The following NEGR1 variants were observed in gnomAD, a reference collection of about 807,000 sequenced individuals.
The protein encoded by NEGR1 is neuronal growth regulator 1.
A neutral mutation model predicts 40.9 loss-of-function variants in NEGR1; 10 were observed. That is an observed-to-expected ratio of 0.24 (90% CI 0.15 to 0.42). The LOEUF (loss-of-function observed/expected upper bound fraction) is 0.42. Ranked by LOEUF, NEGR1 falls within the 10% of genes least tolerant of loss-of-function variation. The pLI is 1.00. For missense variants in NEGR1, 352 were observed against 438.9 expected (o/e 0.80, Z 1.77); for synonymous variants, 185 against 166.8 (o/e 1.11, Z -0.84).
intron 3 of NEGR1, among the ~76,000 whole-genome samples, chr1:71,768,970 C>T (rs922960874): frequency 3.3e-5 from 5 of 152,124 alleles, no homozygotes; most frequent in African/African-American, 1.2e-4. Context: ...TCACTTTCCA[C>T]CATGACTATA....
chr1:71,445,547 T>TA (rs1288775620), intron 6 of NEGR1, among the ~76,000 whole-genome samples: 1 of 152,106 alleles, frequency 6.6e-6, no homozygotes, highest in Non-Finnish European at 1.5e-5. Context: ...GTGACCTGCT[T>TA]AGAGTCTGAC....
At chr1:71,616,085 A>G (rs1293639015) in intron 4 of NEGR1, among the ~76,000 whole-genome samples, 1 of 152,196 alleles carries the variant, frequency 6.6e-6, no homozygotes, top group East Asian at 1.9e-4. Context: ...GACATGTCTG[A>G]TAATGCCCAG....
chr1:71,538,382 AGAGGT>A (rs1046974883), intron 6 of NEGR1, among the ~76,000 whole-genome samples: 82 of 151,824 alleles, frequency 5.4e-4, no homozygotes, highest in African/African-American at 2.0e-3. Flanking sequence ...ATTATACAGT[AGAGGT>A]GTGTGTGAGT....
At chr1:71,780,101 T>G (rs1359144305) in intron 2 of NEGR1, among the ~76,000 whole-genome samples, 1 of 134,696 alleles carries the variant, frequency 7.4e-6, no homozygotes, top group Non-Finnish European at 1.6e-5. Flanking sequence ...TTAAAAATAA[T>G]GTACTATTCT....
intron 6 of NEGR1, among the ~76,000 whole-genome samples, chr1:71,581,732 T>A (rs1649141335): frequency 6.6e-6 from 1 of 150,728 alleles, no homozygotes; most frequent in Non-Finnish European, 1.5e-5. Flanking sequence ...AGACCGGGTC[T>A]CACTCTGCCG....
At chr1:72,151,972 C>T (rs1651143264) in intron 1 of NEGR1, among the ~76,000 whole-genome samples, 1 of 151,668 alleles carries the variant, frequency 6.6e-6, no homozygotes, top group South Asian at 2.1e-4. Context: ...AATATGGATG[C>T]TCTATTAAAA....
intron 6 of NEGR1, among the ~76,000 whole-genome samples, chr1:71,426,849 T>C (rs931654991): frequency 2.6e-5 from 4 of 152,234 alleles, no homozygotes; most frequent in African/African-American, 9.6e-5. Context: ...TTTTAACTTA[T>C]TATGGGCTTA....
At chr1:72,137,318 C>T (rs1157068675) in intron 1 of NEGR1, among the ~76,000 whole-genome samples, 1 of 152,064 alleles carries the variant, frequency 6.6e-6, no homozygotes, top group Non-Finnish European at 1.5e-5. Context: ...CAGCACTGTT[C>T]ACAATAGAAA....
At chr1:71,842,012 G>C (rs766635167) in intron 2 of NEGR1, among the ~76,000 whole-genome samples, 1 of 152,124 alleles carries the variant, frequency 6.6e-6, no homozygotes, top group Non-Finnish European at 1.5e-5. Context: ...TAGCAGTAGA[G>C]GCAGCATTTA....
intron 6 of NEGR1, among the ~76,000 whole-genome samples, chr1:71,492,009 G>C (rs1262918831): frequency 1.3e-5 from 2 of 152,056 alleles, no homozygotes; most frequent in African/African-American, 2.4e-5. Flanking sequence ...TCACAGACCT[G>C]TCTCCCACTT....
At chr1:72,105,525 G>A (rs559827312) in intron 1 of NEGR1, among the ~76,000 whole-genome samples, 2 of 151,542 alleles carry the variant, frequency 1.3e-5, no homozygotes, top group Non-Finnish European at 2.9e-5. Flanking sequence ...GAAACAAAGC[G>A]ATACCTCATC....
intron 2 of NEGR1, among the ~76,000 whole-genome samples, chr1:71,855,551 G>GT (rs1227522789): frequency 6.6e-6 from 1 of 151,870 alleles, no homozygotes; most frequent in Non-Finnish European, 1.5e-5. Flanking sequence ...TGAAAAAGAG[G>GT]TTTCATACCG....
chr1:71,414,583 A>G (rs1646343253), intron 6 of NEGR1, among the ~76,000 whole-genome samples: 1 of 152,138 alleles, frequency 6.6e-6, no homozygotes, highest in Non-Finnish European at 1.5e-5. Flanking sequence ...CTAAGATGAG[A>G]TGTGCTGAGT....
chr1:71,473,847 TGC>T (rs1646800406), intron 6 of NEGR1, among the ~76,000 whole-genome samples: 1 of 152,030 alleles, frequency 6.6e-6, no homozygotes, highest in African/African-American at 2.4e-5. Context: ...GTGCATATAT[TGC>T]TTAATACTAT....
At chr1:71,618,987 T>C (rs541445586) in intron 4 of NEGR1, among the ~76,000 whole-genome samples, 1 of 152,248 alleles carries the variant, frequency 6.6e-6, no homozygotes, top group South Asian at 2.1e-4. Flanking sequence ...AGGTGAACTG[T>C]CATTACTGGC....
chr1:72,149,592 C>T (rs1322821153), intron 1 of NEGR1, among the ~76,000 whole-genome samples: 1 of 151,742 alleles, frequency 6.6e-6, no homozygotes, highest in African/African-American at 2.4e-5. Flanking sequence ...ATATTAAATC[C>T]ACCAAGTAGG....
chr1:72,255,543 A>ACAT lies in NEGR1; in HGVS notation c.176+26775_176+26776insATG, dbSNP rs1478363144. 2.2e-4 allele frequency among the ~76,000 whole-genome samples: 29 copies of ACAT among 134,542 alleles called. 1 individual carries two copies. The highest frequency in any genetic ancestry group is 7.5e-4 in the Admixed American group (10 of 13,250). 88.3% of individuals were successfully genotyped at this position (134,542 alleles called of 152,430 possible). A position where few individuals can be genotyped will look rare whatever the true frequency, so the allele number is the denominator to read the frequency against. On this transcript the variant is annotated intron_variant, in intron 1 of 6. Transcript: ENST00000357731. ...ATGCCTACTATGGTTTATCAAAAAT[A>ACAT]CTTCTTTTTTTTTTTTTTTTTTTGA...
At chr1:72,252,972 T>C (rs910918662) in intron 1 of NEGR1, among the ~76,000 whole-genome samples, 7 of 152,344 alleles carry the variant, frequency 4.6e-5, no homozygotes, top group South Asian at 2.1e-4. Context: ...GGTTGTTTTG[T>C]TGGTGCTGCT....
intron 1 of NEGR1, among the ~76,000 whole-genome samples, chr1:72,262,306 C>A: frequency 6.6e-6 from 1 of 152,148 alleles, no homozygotes; most frequent in South Asian, 2.1e-4. Flanking sequence ...TGTGCCCTGC[C>A]TGAGTTCTGG....
Sources: allele counts gnomAD v4.1 joint callset (sites outside exome capture counted in the v4.1 genomes callset), GRCh38; gene constraint gnomAD v4.1.1; transcripts MANE v1.5; gene names NCBI Gene and HGNC (gene_info 2026-07-23, HGNC 2026-07-21).